NCKAP5: variants seen among roughly 807,000 people sequenced by gnomAD.
NCKAP5 encodes NCK associated protein 5, also known as nck-associated protein 5.
Under a neutral mutation model 167.0 loss-of-function variants are expected in NCKAP5, and 92 were observed. That is an observed-to-expected ratio of 0.55 (90% CI 0.47 to 0.66). NCKAP5 has a LOEUF of 0.66. Among genes scored for constraint, NCKAP5 ranks in the 30% least tolerant of loss-of-function variants. The pLI, the probability that NCKAP5 is intolerant of heterozygous loss-of-function variation, is 0.00. For synonymous variants in NCKAP5, 891 were observed against 877.4 expected, an observed-to-expected ratio of 1.02 and a Z score of -0.27; for missense variants, 2,378 against 2,315.0, an observed-to-expected ratio of 1.03 and a Z score of -0.56.
At chr2:133,621,782 T>A in the NCKAP5 span, among the ~76,000 whole-genome samples, 1 of 152,232 alleles carries the variant, frequency 6.6e-6, no homozygotes, top group Non-Finnish European at 1.5e-5. Flanking sequence ...TAAATCATTC[T>A]ATGAAGCCAG....
intron 11 of NCKAP5, among the ~76,000 whole-genome samples, chr2:132,842,055 T>C (rs77025681): frequency 0.013 from 2,032 of 152,240 alleles, 59 homozygotes; most frequent in East Asian, 0.1. Flanking sequence ...AATATTGGCA[T>C]TACACACATT....
chr2:132,893,857 G>A (rs112028109), intron 8 of NCKAP5, among the ~76,000 whole-genome samples: 6 of 152,204 alleles, frequency 3.9e-5, no homozygotes, highest in African/African-American at 1.4e-4. Context: ...GCATACAAAT[G>A]TGCAGTCTTC....
At chr2:133,016,598 C>T (rs191862081) in intron 6 of NCKAP5, among the ~76,000 whole-genome samples, 119 of 152,278 alleles carry the variant, frequency 7.8e-4, no homozygotes, top group Admixed American at 2.1e-3. Context: ...CGCGGTCTGA[C>T]GGCTATCTAA....
chr2:133,157,941 G>A (rs915440706), intron 5 of NCKAP5, among the ~76,000 whole-genome samples: 2 of 152,148 alleles, frequency 1.3e-5, no homozygotes, highest in Admixed American at 1.3e-4. Flanking sequence ...AGGTCCACTA[G>A]TTAATTCTCT....
At chr2:133,268,259 G>T (rs1381811703) in intron 4 of NCKAP5, 4 of 152,210 alleles carry the variant, frequency 2.6e-5, no homozygotes, top group African/African-American at 4.8e-5. Context: ...CAGAGACTGT[G>T]TTTTCCACTT....
At chr2:133,037,123 A>G (rs1034232711) in intron 6 of NCKAP5, among the ~76,000 whole-genome samples, 12 of 152,078 alleles carry the variant, frequency 7.9e-5, no homozygotes, top group African/African-American at 2.4e-4. Context: ...AATAAAAACT[A>G]TAAAACACAA....
chr2:133,478,331 A>G (rs1278389941), intron 3 of NCKAP5, among the ~76,000 whole-genome samples: 1 of 152,192 alleles, frequency 6.6e-6, no homozygotes, highest in Non-Finnish European at 1.5e-5. Context: ...ACCCCATTTG[A>G]TAATGAACTT....
intron 19 of NCKAP5, among the ~76,000 whole-genome samples, chr2:132,682,006 T>C (rs895616312): frequency 4.6e-5 from 7 of 152,208 alleles, no homozygotes; most frequent in Non-Finnish European, 2.9e-5. Flanking sequence ...ATGTTTTGGG[T>C]CAAGAGCTGG....
At chr2:133,650,397 G>T in the NCKAP5 span, among the ~76,000 whole-genome samples, 2 of 152,150 alleles carry the variant, frequency 1.3e-5, no homozygotes, top group Non-Finnish European at 2.9e-5. Context: ...AAAAGACCAT[G>T]AATAGCCAAG....
chr2:133,625,107 T>G, the NCKAP5 span, among the ~76,000 whole-genome samples: 4 of 152,226 alleles, frequency 2.6e-5, no homozygotes, highest in Admixed American at 2.6e-4. Flanking sequence ...ATTACATGGT[T>G]GCTATTCTGA....
chr2:132,820,467 A>G (rs1686638319), intron 11 of NCKAP5, among the ~76,000 whole-genome samples: 1 of 152,004 alleles, frequency 6.6e-6, no homozygotes, highest in Non-Finnish European at 1.5e-5. Context: ...TGAACTTGTG[A>G]TCTGCCCGCC....
At chr2:132,940,740 T>C (rs892313282) in intron 8 of NCKAP5, among the ~76,000 whole-genome samples, 1 of 151,844 alleles carries the variant, frequency 6.6e-6, no homozygotes, top group Non-Finnish European at 1.5e-5. Flanking sequence ...GATCTGGGTC[T>C]CTAATCATGC....
intron 4 of NCKAP5, among the ~76,000 whole-genome samples, chr2:133,232,932 G>T (rs2087221050): frequency 2.0e-5 from 3 of 152,142 alleles, no homozygotes; most frequent in African/African-American, 7.2e-5. Context: ...AGATGAAAAA[G>T]AAATGTTTTC....
intron 3 of NCKAP5, among the ~76,000 whole-genome samples, chr2:133,452,246 G>A (rs1011883547): frequency 6.6e-6 from 1 of 152,142 alleles, no homozygotes; most frequent in Non-Finnish European, 1.5e-5. Flanking sequence ...GGGCATCCCT[G>A]CTCCAAAGAC....
intron 3 of NCKAP5, among the ~76,000 whole-genome samples, chr2:133,466,915 GA>G (rs1692641818): frequency 6.6e-6 from 1 of 152,198 alleles, no homozygotes; most frequent in African/African-American, 2.4e-5. Context: ...TTTGGGCTGA[GA>G]TAATGGGTTT....
At chr2:133,423,090 A>G (rs1182791163) in intron 3 of NCKAP5, among the ~76,000 whole-genome samples, 1 of 152,176 alleles carries the variant, frequency 6.6e-6, no homozygotes, top group Non-Finnish European at 1.5e-5. Flanking sequence ...CAGCTTTATT[A>G]GTCACTTTCT....
At position 133,531,388 on chromosome 2, in the gene NCKAP5, TC is replaced by T. The variant is rs1357184899; in HGVS notation, c.-61-13802del. Among the ~76,000 whole-genome samples the T allele has an allele frequency of 6.6e-5, 10 of 152,170 alleles. No homozygotes were observed. In the South Asian group the frequency reaches 1.9e-3, roughly 28 times the overall value. On this transcript the variant is annotated intron_variant, in intron 2 of 19. Coordinates refer to ENST00000409261, the MANE Select transcript of NCKAP5 (RefSeq NM_207363.3). ...CTCTTGAGAATTATTTACATTTTTT[TC>T]TACTTACTTTTTCTAATTGGTTATA...
At position 133,509,398 on chromosome 2, in the gene NCKAP5, C is replaced by T. The variant is rs183772177; in HGVS notation, c.69+8060G>A. On this transcript the variant is annotated intron_variant, in intron 3 of 19. Transcript: ENST00000409261. ...CACACTAGAATCATCCTTGGGCAAACCTGAAGAGCAGCATGCCATTTCCTC... is the reference window on the plus strand; with the variant it reads ...CACACTAGAATCATCCTTGGGCAAATCTGAAGAGCAGCATGCCATTTCCTC... 3.9e-4 allele frequency among the ~76,000 whole-genome samples: 59 copies of T among 152,238 alleles called. 1 individual carries two copies. The highest frequency in any genetic ancestry group is 1.9e-4 in the African/African-American group (8 of 41,544).
intron 7 of NCKAP5, among the ~76,000 whole-genome samples, chr2:132,970,795 G>A (rs755109154): frequency 2.1e-4 from 32 of 152,100 alleles, no homozygotes; most frequent in South Asian, 4.1e-4. Flanking sequence ...GTTCTGGAAC[G>A]CATCAAGTGA....
Sources: allele counts gnomAD v4.1 joint callset (sites outside exome capture counted in the v4.1 genomes callset), GRCh38; gene constraint gnomAD v4.1.1; transcripts MANE v1.5; gene names NCBI Gene and HGNC (gene_info 2026-07-23, HGNC 2026-07-21).